Variants in DCAF17 observed in about 807,000 individuals in gnomAD.
DCAF17 encodes DDB1 and CUL4 associated factor 17.
Under a neutral mutation model 66.0 loss-of-function variants are expected in DCAF17, and 48 were observed. The observed-to-expected ratio is 0.73, with a 90% CI of 0.58 to 0.92. The LOEUF is 0.92. Among genes scored for constraint, DCAF17 ranks in the 40% least tolerant of loss-of-function variants. The pLI is 0.00. For missense variants in DCAF17, 562 were observed against 622.8 expected, an observed-to-expected ratio of 0.90 and a Z score of 1.04; for synonymous variants, 206 against 214.6, an observed-to-expected ratio of 0.96 and a Z score of 0.35.
At chr2:171,448,657 T>C in intron 3 of DCAF17, 24 bp from the exon 4 acceptor site, 1 of 1,543,410 alleles carries the variant, frequency 6.5e-7, no homozygotes, top group African/African-American at 1.4e-5. Flanking sequence ...AGTTTCATTT[T>C]TATATCTCTC....
intron 8 of DCAF17, among the ~76,000 whole-genome samples, chr2:171,462,672 G>A (rs970582720): frequency 2.0e-5 from 3 of 152,036 alleles, no homozygotes; most frequent in Non-Finnish European, 4.4e-5. Flanking sequence ...TTTTAAATGC[G>A]TGTACTCCTT....
At chr2:171,469,669 C>T (rs1158350741) in intron 9 of DCAF17, among the ~76,000 whole-genome samples, 3 of 152,156 alleles carry the variant, frequency 2.0e-5, no homozygotes, top group Non-Finnish European at 4.4e-5. Flanking sequence ...ACAATCTCTT[C>T]CCTCAAGTTA....
Position 171,476,809 on chromosome 2 carries a change from T to G in DCAF17, c.1092-51T>G, listed in dbSNP as rs771234717. ...ACTTCAGTACTTAAACTTTGGCACC[T>G]TGATGGTGTTTTGAAGTCTTAGGTT... On this transcript the variant is annotated intron_variant, in intron 10 of 13. Coordinates refer to ENST00000375255, the MANE Select transcript of DCAF17 (RefSeq NM_025000.4). 5 of 1,390,894 alleles carry G rather than the reference T, an allele frequency of 3.6e-6. No individual in the cohort carries two copies. The African/African-American group carries it at 5.7e-5, about 16-fold the overall frequency. The allele number at this position is 1,390,894 out of a possible 1,614,324, so 86.2% of individuals were successfully genotyped here. A position where few individuals can be genotyped will look rare whatever the true frequency, so the allele number is the denominator to read the frequency against.
At chr2:171,436,665 A>G (rs1365858451) in intron 2 of DCAF17, among the ~76,000 whole-genome samples, 1 of 150,342 alleles carries the variant, frequency 6.7e-6, no homozygotes, top group Non-Finnish European at 1.5e-5. Context: ...AAATCCTTAC[A>G]TATTTTAGAT....
rs576350801 is a variant in DCAF17, at chr2:171,482,024, T to TA, written c.*911dup. On this transcript the variant is annotated 3_prime_UTR_variant, in exon 14 of 14. Coordinates refer to ENST00000375255, the MANE Select transcript of DCAF17 (RefSeq NM_025000.4). ...AAGAAGTTCTTACTAGCTTGGGAGTTACCTGATTAACCAGAGAAAATTTTT... is the reference window on the plus strand; with the variant it reads ...AAGAAGTTCTTACTAGCTTGGGAGTTAACCTGATTAACCAGAGAAAATTTTT... The TA allele has an allele frequency of 4.4e-6, 2 of 454,094 alleles. No homozygotes were observed. Among genetic ancestry groups the TA allele is most frequent in the Non-Finnish European group, 8.8e-6 (2 of 226,762 alleles). The allele number at this position is 454,094 out of a possible 1,614,324, so 28.1% of individuals were successfully genotyped here. A position where few individuals can be genotyped will look rare whatever the true frequency, so the allele number is the denominator to read the frequency against.
intron 5 of DCAF17, among the ~76,000 whole-genome samples, chr2:171,450,613 T>C (rs1421886928): frequency 6.6e-6 from 1 of 152,158 alleles, no homozygotes; most frequent in Non-Finnish European, 1.5e-5. Flanking sequence ...TAGACTGCTT[T>C]TAGAGGTTTT....
Position 171,481,395 on chromosome 2 carries a change from G to C in DCAF17, c.*281G>C. 1.9e-6 allele frequency: 1 copy of C among 513,106 alleles called. No individual in the cohort carries two copies. The highest frequency in any genetic ancestry group is 1.5e-5 in the South Asian group (1 of 64,966). The allele number at this position is 513,106 out of a possible 1,614,324, so 31.8% of individuals were successfully genotyped here. ...AATATAAAATGCTGGGAACAGAAAA[G>C]GACAGGTTAATTCCAATTGTTGAGG... On this transcript the variant is annotated 3_prime_UTR_variant, in exon 14 of 14. Transcript: ENST00000375255.
At position 171,481,422 on chromosome 2, in the gene DCAF17, G is replaced by A. The variant is rs1366829628; in HGVS notation, c.*308G>A. On this transcript the variant is annotated 3_prime_UTR_variant, in exon 14 of 14. Coordinates refer to ENST00000375255, the MANE Select transcript of DCAF17 (RefSeq NM_025000.4). Reference sequence around the variant, plus strand: ...ACAGGTTAATTCCAATTGTTGAGGAGTTAAGTCATTGATGGGGTGGGTCAT... The same window carrying A: ...ACAGGTTAATTCCAATTGTTGAGGAATTAAGTCATTGATGGGGTGGGTCAT... 1 of 479,482 alleles carries A rather than the reference G, an allele frequency of 2.1e-6. No individual in the cohort carries two copies. The highest frequency in any genetic ancestry group is 4.1e-6 in the Non-Finnish European group (1 of 244,052). The allele number at this position is 479,482 out of a possible 1,614,324, so 29.7% of individuals were successfully genotyped here.
intron 10 of DCAF17, 31 bp downstream of exon 10, chr2:171,474,006 A>G (rs1696384324): frequency 1.3e-6 from 2 of 1,571,166 alleles, no homozygotes; most frequent in Non-Finnish European, 1.8e-6. Flanking sequence ...TTGAAAGTTA[A>G]GAGCAGCTTT....
rs1693637025 is a variant in DCAF17, at chr2:171,434,495, AAGG to A, written c.-82_-80del. The A allele has an allele frequency of 2.6e-6, 4 of 1,520,110 alleles. No individual in the cohort carries two copies. The African/African-American group carries it at 5.5e-5, about 21-fold the overall frequency. 94.2% of individuals were successfully genotyped at this position (1,520,110 alleles called of 1,614,324 possible). ...GGGAAAGTCTGGGCCTCGAAATTCGAAGGCAGCGGCGGCTGCCCAGCACGGGAG... is the reference window on the plus strand; with the variant it reads ...GGGAAAGTCTGGGCCTCGAAATTCGACAGCGGCGGCTGCCCAGCACGGGAG... On this transcript the variant is annotated 5_prime_UTR_variant, in exon 1 of 14. Transcript: ENST00000375255.
intron 8 of DCAF17, among the ~76,000 whole-genome samples, chr2:171,460,606 C>T (rs1419327890): frequency 6.6e-6 from 1 of 151,952 alleles, no homozygotes; most frequent in Non-Finnish European, 1.5e-5. Context: ...TCACAGCTCA[C>T]TGCCACCTCC....
At position 171,434,654 on chromosome 2, in the gene DCAF17, G is replaced by A. The variant is rs1443172852; in HGVS notation, c.77G>A (p.Gly26Asp). The A allele has an allele frequency of 1.3e-6, 2 of 1,535,584 alleles. No individual in the cohort carries two copies. The highest frequency in any genetic ancestry group is 1.7e-6 in the Non-Finnish European group (2 of 1,149,280). Residue 26 changes from glycine (G) to aspartate (D), a missense_variant, in exon 1 of 14, where the codon GGC (glycine) becomes GAC (aspartate). Around this residue, in one of 3 missense-constraint regions of DCAF17, gnomAD observed 348 missense variants for 355.9 expected, o/e 0.98. Transcript: ENST00000375255. ...CTGGGCTGCTTCTCGCGCGACGCAG[G>A]CGTGGTGCAGAGGACCAACCTGGGC... is the stretch of plus-strand genomic sequence containing the variant. ...RALGCFSRDA[G>D]VVQRTNLGIL...
rs1043517003 is a variant in DCAF17, at chr2:171,480,089, G to A, written c.1318G>A (p.Ala440Thr). 6 of 1,613,670 alleles carry A rather than the reference G, an allele frequency of 3.7e-6. No homozygotes were observed. The highest frequency in any genetic ancestry group is 2.7e-5 in the African/African-American group (2 of 74,890). The change falls in exon 13 of 14, where the codon GCT becomes ACT. Residue 440 changes from alanine to threonine, a missense_variant. By Grantham distance (58) the Ala-to-Thr change is moderately conservative (BLOSUM62 0). Coordinates refer to ENST00000375255, the MANE Select transcript of DCAF17 (RefSeq NM_025000.4). Reference protein sequence around the residue: ...EDELDLLSVVAVTQIDAEGKA... With the variant: ...EDELDLLSVVTVTQIDAEGKA... The stretch of plus-strand genomic sequence containing the variant: ...TGAGTTAGATTTGCTTTCTGTGGTA[G>A]CTGTTACTCAAATAGATGCTGAAGG...
Position 171,480,144 on chromosome 2 carries a change from A to C in DCAF17, c.1373A>C (p.Glu458Ala). The C allele has an allele frequency of 1.2e-6, 2 of 1,613,832 alleles. No homozygotes were observed. Among genetic ancestry groups the C allele is most frequent in the Non-Finnish European group, 1.7e-6 (2 of 1,179,794 alleles). ...GKAHLDFHCN[E>A]YGTLLKSIPL... ...GCTCACCTGGATTTCCACTGTAATG[A>C]ATATGGAACTTTACTTAAAAGCATT... is the stretch of plus-strand genomic sequence containing the variant. Residue 458 changes from glutamate to alanine, a missense_variant, in exon 13 of 14, where the codon GAA becomes GCA. Around this residue, in one of 3 missense-constraint regions of DCAF17, gnomAD observed 201 missense variants for 231.1 expected, o/e 0.87. Coordinates refer to ENST00000375255, the MANE Select transcript of DCAF17 (RefSeq NM_025000.4).
At chr2:171,479,662 C>T (rs1449712106) in intron 12 of DCAF17, 3 of 246,054 alleles carry the variant, frequency 1.2e-5, no homozygotes, top group Admixed American at 5.2e-5. Flanking sequence ...GTTTCAGAAC[C>T]GAGCTTCATG....
At chr2:171,452,488 C>G (rs1490171096) in intron 5 of DCAF17, among the ~76,000 whole-genome samples, 1 of 152,180 alleles carries the variant, frequency 6.6e-6, no homozygotes, top group Non-Finnish European at 1.5e-5. Context: ...GACAGCATGT[C>G]TGATGCCCAG....
chr2:171,464,436 C>T (rs1453208954), intron 8 of DCAF17, among the ~76,000 whole-genome samples: 2 of 152,330 alleles, frequency 1.3e-5, no homozygotes, highest in South Asian at 4.1e-4. Flanking sequence ...AATTCTGCCT[C>T]TCACTTTTCC....
At position 171,442,599 on chromosome 2, in the gene DCAF17, G is replaced by A. The variant is rs561860874; in HGVS notation, c.231-924G>A. On this transcript the variant is annotated intron_variant, in intron 2 of 13. Coordinates refer to ENST00000375255, the MANE Select transcript of DCAF17 (RefSeq NM_025000.4). ...AAAAAAAAAAGAAAGAAAGAAAAGCGCCAGGCGAAGTGGCTCACACCTGTC... is the reference window on the plus strand; with the variant it reads ...AAAAAAAAAAGAAAGAAAGAAAAGCACCAGGCGAAGTGGCTCACACCTGTC... 1.1e-4 allele frequency among the ~76,000 whole-genome samples: 17 copies of A among 148,472 alleles called. No homozygotes were observed. The East Asian group carries it at 1.6e-3, about 14-fold the overall frequency.
At chr2:171,472,897 A>C (rs1696324530) in intron 9 of DCAF17, 1 of 336,636 alleles carries the variant, frequency 3.0e-6, no homozygotes, top group South Asian at 2.7e-5. Flanking sequence ...GACTTCTGTA[A>C]AGCCAGTGAA....
Sources: gnomAD v4.1 joint callset for allele counts (sites outside exome capture counted in the v4.1 genomes callset) on GRCh38, gnomAD v4.1.1 for gene constraint, gnomAD v4.1.1 regional missense constraint, MANE v1.5 for transcripts, NCBI Gene and HGNC (gene_info 2026-07-23, HGNC 2026-07-21) for gene names.